Variants in KLHL30 observed in about 807,000 individuals in gnomAD.
The protein encoded by KLHL30 is kelch-like protein 30.
A neutral mutation model predicts 55.0 loss-of-function variants in KLHL30; 55 were observed. The observed-to-expected ratio is 1.00, with a 90% CI of 0.80 to 1.25. The LOEUF is 1.25. Ranked by LOEUF, KLHL30 falls within the 50% of genes most tolerant of loss-of-function variation. The pLI, the probability that KLHL30 is intolerant of heterozygous loss-of-function variation, is 0.00. For synonymous variants in KLHL30, 356 were observed against 372.6 expected (o/e 0.96, Z 0.51); for missense variants, 786 against 811.6 (o/e 0.97, Z 0.38).
rs1211916905 is a variant in KLHL30, at chr2:238,152,069, C to T, written c.*1004C>T. The T allele has an allele frequency of 1.0e-5, 10 of 985,392 alleles. No individual in the cohort carries two copies. Among genetic ancestry groups the T allele is most frequent in the South Asian group, 4.7e-5 (1 of 21,296 alleles). 61.0% of individuals were successfully genotyped at this position (985,392 alleles called of 1,614,324 possible). A position where few individuals can be genotyped will look rare whatever the true frequency, so the allele number is the denominator to read the frequency against. On this transcript the variant is annotated 3_prime_UTR_variant, in exon 8 of 8. Coordinates refer to ENST00000409223, the MANE Select transcript of KLHL30 (RefSeq NM_198582.4). ...AGGACTCTCCCTGGGTGCCCAATGG[C>T]GTGTCCCTCCTGTCACAGGCTCCGC...
rs753786229 is a variant in KLHL30, at chr2:238,145,848, C to T, written c.1150+16C>T. 18 of 1,580,382 alleles carry T rather than the reference C, an allele frequency of 1.1e-5. No homozygotes were observed. The Admixed American group carries it at 3.0e-4, about 26-fold the overall frequency. Reference sequence around the variant, plus strand: ...GTTATCGGCGGTGAGGCCTTCCTCTCCACCCTTCCCTGGGGCCTGGTTCTA... The same window carrying T: ...GTTATCGGCGGTGAGGCCTTCCTCTTCACCCTTCCCTGGGGCCTGGTTCTA... On this transcript the variant is annotated intron_variant, in intron 5 of 7. Transcript: ENST00000409223.
Position 238,144,915 on chromosome 2 carries a change from A to T in KLHL30, c.921A>T (p.Ala307=). The T allele has an allele frequency of 6.2e-7, 1 of 1,610,454 alleles. No individual in the cohort carries two copies. The highest frequency in any genetic ancestry group is 8.5e-7 in the Non-Finnish European group (1 of 1,178,472). The change falls in exon 4 of 8, where the codon GCA becomes GCT. Residue 307 remains alanine (A), a synonymous_variant. Coordinates refer to ENST00000409223, the MANE Select transcript of KLHL30 (RefSeq NM_198582.4). ...FYNSKAKRWM[A]LPDFPDYHKW... is the part of the protein sequence containing the mutation. Reference sequence around the variant, plus strand: ...TCTTCCTGCCAGAGAGGTGGATGGCACTTCCAGACTTCCCCGACTATCACA... The same window carrying T: ...TCTTCCTGCCAGAGAGGTGGATGGCTCTTCCAGACTTCCCCGACTATCACA...
chr2:238,150,361 C>T (rs894894051), intron 7 of KLHL30, among the ~76,000 whole-genome samples: 7 of 152,214 alleles, frequency 4.6e-5, no homozygotes, highest in African/African-American at 1.7e-4. Context: ...CCCCACAACC[C>T]CTCCCAGGGG....
In KLHL30 at chr2:238,148,042, CG is replaced by C; in HGVS notation, c.1339+21del. On this transcript the variant is annotated intron_variant, in intron 6 of 7. Coordinates refer to ENST00000409223, the MANE Select transcript of KLHL30 (RefSeq NM_198582.4). ...TCACAGGTGGGTGGGGCTCAGGGAC[CG>C]AGGATAGAGGACCACAGGCCCCTCT... The C allele has an allele frequency of 1.4e-6, 2 of 1,384,628 alleles. No homozygotes were observed. The highest frequency in any genetic ancestry group is 1.9e-6 in the Non-Finnish European group (2 of 1,057,818). 85.8% of individuals were successfully genotyped at this position (1,384,628 alleles called of 1,614,324 possible). A position where few individuals can be genotyped will look rare whatever the true frequency, so the allele number is the denominator to read the frequency against.
chr2:238,145,045 G>C (rs891409541), intron 4 of KLHL30, 57 bp downstream of exon 4: 16 of 1,378,488 alleles, frequency 1.2e-5, no homozygotes, highest in Non-Finnish European at 1.6e-5. Context: ...ACTGGGCTCA[G>C]TGCAACTCCC....
At chr2:238,150,526 G>A (rs573273046) in intron 7 of KLHL30, among the ~76,000 whole-genome samples, 11 of 152,188 alleles carry the variant, frequency 7.2e-5, no homozygotes, top group South Asian at 2.1e-4. Flanking sequence ...GAGTCAGCCC[G>A]GACCTCCCCG....
rs1692527150 is a variant in KLHL30, at chr2:238,141,083, C to T, written c.329C>T (p.Ala110Val). 1 of 1,608,834 alleles carries T rather than the reference C, an allele frequency of 6.2e-7. No individual in the cohort carries two copies. The highest frequency in any genetic ancestry group is 1.7e-5 in the Admixed American group (1 of 59,904). ...AACGTGGAGGCGCTGACACGCACGGCTGCGCGCCTGCACTTCCCCTCGGTG... is the reference window on the plus strand; with the variant it reads ...AACGTGGAGGCGCTGACACGCACGGTTGCGCGCCTGCACTTCCCCTCGGTG... ...QGNVEALTRT[A>V]ARLHFPSVQK... Residue 110 changes from alanine to valine, a missense_variant, in exon 2 of 8, where the codon GCT becomes GTT. Physicochemically the swap from Ala to Val is moderately conservative, Grantham distance 64. Coordinates refer to ENST00000409223, the MANE Select transcript of KLHL30 (RefSeq NM_198582.4).
At chr2:238,146,356 T>C (rs1254392955) in intron 5 of KLHL30, among the ~76,000 whole-genome samples, 1 of 150,836 alleles carries the variant, frequency 6.6e-6, no homozygotes, top group Admixed American at 6.6e-5. Context: ...CTGGGCAACA[T>C]AGAGAGACCC....
At chr2:238,144,525 C>T (rs1229692005) in intron 3 of KLHL30, among the ~76,000 whole-genome samples, 1 of 152,096 alleles carries the variant, frequency 6.6e-6, no homozygotes, top group African/African-American at 2.4e-5. Flanking sequence ...ACCCACAGAT[C>T]AGGCCACTTA....
rs1692535539 is a variant in KLHL30 at position 238,141,321 on chromosome 2, G to C, written c.567G>C (p.Gln189His). 6.3e-7 allele frequency: 1 copy of C among 1,597,896 alleles called. No homozygotes were observed. Among genetic ancestry groups the C allele is most frequent in the Non-Finnish European group, 8.5e-7 (1 of 1,175,568 alleles). ...CTTGTCTGGCCGGCGACCTGCTGCAGGTACAGCCGGAGCAAAGCCGACTCG... is the reference window on the plus strand; with the variant it reads ...CTTGTCTGGCCGGCGACCTGCTGCACGTACAGCCGGAGCAAAGCCGACTCG... ...LVTCLAGDLLQVQPEQSRLEA... is the reference protein window; with the variant it reads ...LVTCLAGDLLHVQPEQSRLEA... The change falls in exon 2 of 8, where the codon CAG becomes CAC. Residue 189 changes from glutamine to histidine, a missense_variant. Physicochemically the swap from Gln to His is conservative, Grantham distance 24. Transcript: ENST00000409223.
Position 238,147,160 on chromosome 2 carries a change from A to AC in KLHL30, c.1151-674_1151-673insC, listed in dbSNP as rs1692663163. Among the ~76,000 whole-genome samples, 1 of 150,924 alleles carries AC rather than the reference A, an allele frequency of 6.6e-6. No individual in the cohort carries two copies. Among genetic ancestry groups the AC allele is most frequent in the South Asian group, 2.1e-4 (1 of 4,764 alleles). On this transcript the variant is annotated intron_variant, in intron 5 of 7. Transcript: ENST00000409223. The surrounding 1 kb of genome is among the most constrained non-coding windows in gnomAD (Gnocchi z 5.8). ...AGACCCTGTCTCAAAAAAAAAAAAA[A>AC]GAAAGAAAAGAAAAACAAAACACAT...
At position 238,151,425 on chromosome 2, in the gene KLHL30, G is replaced by A. The variant is rs1692754436; in HGVS notation, c.*360G>A. ...CTCCTGCCCCTGGACCCCAGCAGGG[G>A]CTTTTGGAGCAGTTGCATGAATGTG... On this transcript the variant is annotated 3_prime_UTR_variant, in exon 8 of 8. Transcript: ENST00000409223. 2.1e-5 allele frequency: 7 copies of A among 337,414 alleles called. No individual in the cohort carries two copies. In the South Asian group the frequency reaches 2.4e-4, roughly 12 times the overall value. 20.9% of individuals were successfully genotyped at this position (337,414 alleles called of 1,614,324 possible).
At position 238,150,205 on chromosome 2, in the gene KLHL30, G is replaced by C. The variant is rs1308308017; in HGVS notation, c.1486-609G>C. 2.6e-5 allele frequency among the ~76,000 whole-genome samples: 4 copies of C among 152,156 alleles called. No individual in the cohort carries two copies. The South Asian group carries it at 8.3e-4, about 31-fold the overall frequency. On this transcript the variant is annotated intron_variant, in intron 7 of 7. Coordinates refer to ENST00000409223, the MANE Select transcript of KLHL30 (RefSeq NM_198582.4). ...CAGGCTCAGGTCCCAGCACAGCAGG[G>C]CTCTGCCTTACCCTCTCCAGGCCTG... is the stretch of plus-strand genomic sequence containing the variant.
intron 3 of KLHL30, among the ~76,000 whole-genome samples, chr2:238,143,854 A>G (rs958341450): frequency 6.6e-6 from 1 of 152,216 alleles, no homozygotes; most frequent in Admixed American, 6.5e-5. Context: ...GCCATGAGTC[A>G]TGGGGACACG....
chr2:238,150,797 C>T lies in KLHL30; in HGVS notation c.1486-17C>T. 1 of 1,565,444 alleles carries T rather than the reference C, an allele frequency of 6.4e-7. No homozygotes were observed. The highest frequency in any genetic ancestry group is 8.7e-7 in the Non-Finnish European group (1 of 1,155,954). On this transcript the variant is annotated splice_polypyrimidine_tract_variant and intron_variant, in intron 7 of 7. Coordinates refer to ENST00000409223, the MANE Select transcript of KLHL30 (RefSeq NM_198582.4). ...CAGCTCCCGCCCACCGGACGCTAAC[C>T]CGCTGACCGTGCACAGGTGCAGTCA...
In KLHL30 at chr2:238,147,835, C is replaced by T. The variant is rs974695187; in HGVS notation, c.1152C>T (p.Gly384=). ...ACTGCCCCCGCCCTCACCCCACAGG[C>T]ACCACCCTGGACGTGGTGGAGGTGG... ...ALNGEIYVIG[G]TTLDVVEVES... The change falls in exon 6 of 8, where the codon GGC becomes GGT. Residue 384 remains glycine (G), a splice_region_variant and synonymous_variant. Transcript: ENST00000409223. The surrounding 1 kb of genome is among the most constrained non-coding windows in gnomAD (Gnocchi z 5.8). 2 of 1,488,078 alleles carry T rather than the reference C, an allele frequency of 1.3e-6. No homozygotes were observed. Among genetic ancestry groups the T allele is most frequent in the East Asian group, 2.6e-5 (1 of 38,362 alleles). The allele number at this position is 1,488,078 out of a possible 1,614,324, so 92.2% of individuals were successfully genotyped here.
At chr2:238,140,260 G>A (rs996704784) in intron 1 of KLHL30, among the ~76,000 whole-genome samples, 2 of 152,250 alleles carry the variant, frequency 1.3e-5, no homozygotes, top group African/African-American at 4.8e-5. Context: ...CGCGGGAGCA[G>A]GAGCTGCTGC....
intron 7 of KLHL30, among the ~76,000 whole-genome samples, chr2:238,150,372 C>A (rs1350817847): frequency 1.3e-5 from 2 of 152,218 alleles, no homozygotes; most frequent in African/African-American, 4.8e-5. Context: ...CTCCCAGGGG[C>A]ACTCCCAAGG....
intron 1 of KLHL30, among the ~76,000 whole-genome samples, chr2:238,139,333 G>A (rs565257497): frequency 3.3e-5 from 5 of 152,326 alleles, no homozygotes; most frequent in South Asian, 2.1e-4. Flanking sequence ...CTCATCTCCC[G>A]GCTGCCCAGG....
Sources: allele counts gnomAD v4.1 joint callset (sites outside exome capture counted in the v4.1 genomes callset), GRCh38; gene constraint gnomAD v4.1.1; non-coding constraint Gnocchi (gnomAD v3.1); transcripts MANE v1.5; gene names NCBI Gene and HGNC (gene_info 2026-07-23, HGNC 2026-07-21).